Variants in AUH observed in about 807,000 individuals in gnomAD.
The protein encoded by AUH is methylglutaconyl-CoA hydratase, mitochondrial.
In AUH, 29 loss-of-function variants were observed where a neutral mutation model predicts 42.3. That is an observed-to-expected ratio of 0.69 (90% CI 0.51 to 0.93). The LOEUF is 0.93. Ranked by LOEUF, AUH falls within the 40% of genes least tolerant of loss-of-function variation. The pLI, the probability that AUH is intolerant of heterozygous loss-of-function variation, is 0.00. For synonymous variants in AUH, 174 were observed against 166.4 expected (o/e 1.05, Z -0.35); for missense variants, 452 against 438.1 (o/e 1.03, Z -0.28).
chr9:91,226,254 A>G (rs367597905), intron 6 of AUH, among the ~76,000 whole-genome samples: 4 of 151,462 alleles, frequency 2.6e-5, no homozygotes, highest in South Asian at 2.1e-4. Context: ...TAACTGGTGT[A>G]AGATGGTATC....
At chr9:91,317,029 C>T (rs1829210822) in intron 4 of AUH, among the ~76,000 whole-genome samples, 1 of 152,242 alleles carries the variant, frequency 6.6e-6, no homozygotes, top group Non-Finnish European at 1.5e-5. Context: ...AATGCCACCT[C>T]TGTCACATAT....
At chr9:91,317,099 A>T (rs928334477) in intron 4 of AUH, among the ~76,000 whole-genome samples, 2 of 152,182 alleles carry the variant, frequency 1.3e-5, no homozygotes, top group African/African-American at 4.8e-5. Flanking sequence ...TGGTATACTT[A>T]TCTATCCGAA....
intron 6 of AUH, among the ~76,000 whole-genome samples, chr9:91,250,668 G>A (rs1288419277): frequency 2.0e-5 from 3 of 152,150 alleles, no homozygotes; most frequent in Non-Finnish European, 4.4e-5. Flanking sequence ...AAAATGTTGA[G>A]GACATACTCA....
chr9:91,233,619 G>A (rs779474975), intron 6 of AUH, among the ~76,000 whole-genome samples: 2 of 152,162 alleles, frequency 1.3e-5, no homozygotes, highest in Non-Finnish European at 1.5e-5. Flanking sequence ...TAAACAATGT[G>A]TATATTCAGG....
At chr9:91,344,231 C>A (rs2131998194) in intron 3 of AUH, among the ~76,000 whole-genome samples, 1 of 152,308 alleles carries the variant, frequency 6.6e-6, no homozygotes, top group South Asian at 2.1e-4. Context: ...TAAGACACTG[C>A]CTTTCACTGA....
chr9:91,291,340 C>T (rs1327010261), intron 6 of AUH, among the ~76,000 whole-genome samples: 1 of 152,182 alleles, frequency 6.6e-6, no homozygotes, highest in East Asian at 1.9e-4. Flanking sequence ...GCATGCCATC[C>T]AACCCACTAC....
chr9:91,223,939 T>G (rs1379978954), intron 6 of AUH, among the ~76,000 whole-genome samples: 2 of 152,190 alleles, frequency 1.3e-5, no homozygotes, highest in African/African-American at 4.8e-5. Context: ...AAAACTCAGC[T>G]GATCACCAGA....
intron 3 of AUH, among the ~76,000 whole-genome samples, chr9:91,332,367 T>C (rs1361576812): frequency 6.6e-6 from 1 of 152,106 alleles, no homozygotes; most frequent in Non-Finnish European, 1.5e-5. Context: ...CCAGGAGTGG[T>C]GGCGGGTGCC....
At chr9:91,350,756 C>T (rs1322408439) in intron 3 of AUH, among the ~76,000 whole-genome samples, 1 of 135,978 alleles carries the variant, frequency 7.4e-6, no homozygotes, top group Non-Finnish European at 1.6e-5. Flanking sequence ...ATGATTTCAT[C>T]TCAAAAAAAA....
At chr9:91,314,529 G>A (rs75921579) in intron 4 of AUH, among the ~76,000 whole-genome samples, 6,383 of 147,476 alleles carry the variant, frequency 0.043, 201 homozygotes, top group Non-Finnish European at 0.058. Context: ...AAAAGCCCAA[G>A]AGCTATTTTT....
chr9:91,224,012 G>A (rs1827287486), intron 6 of AUH, among the ~76,000 whole-genome samples: 1 of 152,132 alleles, frequency 6.6e-6, no homozygotes, highest in Non-Finnish European at 1.5e-5. Flanking sequence ...TTTCTTCCCT[G>A]CTATATAAAC....
chr9:91,350,004 CAGAA>C (rs1031759740), intron 3 of AUH, among the ~76,000 whole-genome samples: 3 of 152,096 alleles, frequency 2.0e-5, no homozygotes, highest in Non-Finnish European at 4.4e-5. Flanking sequence ...GCCGGCCAAC[CAGAA>C]AGACTTTTCC....
At chr9:91,347,139 C>T (rs1831572953) in intron 3 of AUH, among the ~76,000 whole-genome samples, 1 of 152,174 alleles carries the variant, frequency 6.6e-6, no homozygotes, top group Admixed American at 6.5e-5. Flanking sequence ...CAGGCTCAAG[C>T]AATCCTTGCA....
chr9:91,316,326 G>A (rs965337209), intron 4 of AUH, among the ~76,000 whole-genome samples: 3 of 152,124 alleles, frequency 2.0e-5, no homozygotes, highest in Non-Finnish European at 4.4e-5. Context: ...GGGCCAGAGT[G>A]TAGATATATT....
chr9:91,361,556 C>G, intron 1 of AUH, 72 bp downstream of exon 1: 2 of 1,534,318 alleles, frequency 1.3e-6, no homozygotes, highest in Middle Eastern at 2.2e-4. Flanking sequence ...CCGGCGGACG[C>G]TGCACCTTAT....
intron 6 of AUH, among the ~76,000 whole-genome samples, chr9:91,247,014 C>G (rs1828834349): frequency 1.3e-5 from 2 of 152,206 alleles, no homozygotes; most frequent in Non-Finnish European, 2.9e-5. Context: ...TCAGCTGAGT[C>G]TTCTGTTACC....
chr9:91,275,962 C>G (rs1424413232), intron 6 of AUH, among the ~76,000 whole-genome samples: 1 of 152,098 alleles, frequency 6.6e-6, no homozygotes, highest in Admixed American at 6.5e-5. Flanking sequence ...TCCTTTGAGA[C>G]TAGTACCAAA....
chr9:91,217,423 T>C (rs1391872540), intron 7 of AUH, 96 bp from the exon 8 acceptor site: 24 of 1,108,590 alleles, frequency 2.2e-5, no homozygotes, highest in Middle Eastern at 4.0e-4. Flanking sequence ...ACTGGATCCA[T>C]TGCACAGCCA....
intron 6 of AUH, among the ~76,000 whole-genome samples, chr9:91,284,407 G>A (rs1014718343): frequency 1.3e-5 from 2 of 152,126 alleles, no homozygotes; most frequent in African/African-American, 4.8e-5. Context: ...GCATGGGAAA[G>A]GATGTCATGT....
Sources: gnomAD v4.1 joint callset for allele counts (sites outside exome capture counted in the v4.1 genomes callset) on GRCh38, gnomAD v4.1.1 for gene constraint, MANE v1.5 for transcripts, NCBI Gene and HGNC (gene_info 2026-07-23, HGNC 2026-07-21) for gene names.